Variants in FRAS1 observed in about 807,000 individuals in gnomAD.
FRAS1 encodes the protein Fraser extracellular matrix complex subunit 1.
In FRAS1, 290 loss-of-function variants were observed where a neutral mutation model predicts 435.2. The ratio of observed to expected loss-of-function variants is 0.67; its 90% CI spans 0.61 to 0.73. FRAS1 has a LOEUF of 0.73. FRAS1 is among the 30% of genes least tolerant of loss of function. FRAS1 has a pLI of 0.00. For synonymous variants in FRAS1, 1,800 were observed against 1,851.0 expected (o/e 0.97, Z 0.71); for missense variants, 4,860 against 5,001.5 (o/e 0.97, Z 0.85).
chr4:78,231,466 C>G (rs977982505), intron 2 of FRAS1, among the ~76,000 whole-genome samples: 12 of 151,928 alleles, frequency 7.9e-5, no homozygotes, highest in African/African-American at 2.9e-4. Context: ...ATTTTTATTA[C>G]AAAAATATTA....
intron 2 of FRAS1, among the ~76,000 whole-genome samples, chr4:78,205,325 C>G (rs1723211781): frequency 1.3e-5 from 2 of 152,048 alleles, no homozygotes; most frequent in Admixed American, 6.5e-5. Context: ...CTTCAGCCTC[C>G]TGTGTAGCTG....
chr4:78,405,384 C>A (rs1156472124), intron 30 of FRAS1, among the ~76,000 whole-genome samples: 1 of 140,546 alleles, frequency 7.1e-6, no homozygotes, highest in Non-Finnish European at 1.5e-5. Context: ...GGAAGTTGAA[C>A]CAGGGAGAGA....
rs150287600 is a variant in FRAS1 at position 78,445,649 on chromosome 4, T to C, written c.5793T>C (p.Phe1931=). 7.4e-6 allele frequency: 12 copies of C among 1,613,966 alleles called. No homozygotes were observed. The African/African-American group carries it at 1.6e-4, about 22-fold the overall frequency. The stretch of plus-strand genomic sequence containing the variant: ...GCATTGAGCCAACCCATGATATTTT[T>C]AGTTTTTATGTGAGTGATGGAACCA... ...HESIEPTHDI[F]SFYVSDGTSR... is the part of the protein sequence containing the mutation. Residue 1931 remains phenylalanine (F), a synonymous_variant, in exon 42 of 74, where the codon TTT becomes TTC. Transcript: ENST00000512123.
chr4:78,125,566 T>G (rs1395119470), intron 2 of FRAS1, among the ~76,000 whole-genome samples: 2 of 152,140 alleles, frequency 1.3e-5, no homozygotes, highest in East Asian at 3.9e-4. Flanking sequence ...CTTTCGTTGA[T>G]CTGTCTTTTT....
intron 72 of FRAS1, among the ~76,000 whole-genome samples, chr4:78,537,521 T>C (rs1165145326): frequency 1.3e-5 from 2 of 152,240 alleles, no homozygotes; most frequent in Admixed American, 1.3e-4. Flanking sequence ...AATAATATGA[T>C]GATGACTCTT....
intron 26 of FRAS1, 52 bp from the exon 27 acceptor site, chr4:78,379,674 C>T: frequency 1.1e-5 from 17 of 1,542,958 alleles, no homozygotes; most frequent in Non-Finnish European, 1.4e-5. Flanking sequence ...GGAAAGTGAC[C>T]TAATTAGTGA....
At chr4:78,413,498 A>C (rs558497952) in intron 32 of FRAS1, among the ~76,000 whole-genome samples, 2 of 152,194 alleles carry the variant, frequency 1.3e-5, no homozygotes, top group Admixed American at 6.5e-5. Flanking sequence ...TTCCACTGTA[A>C]AAGTTTCCTA....
At chr4:78,090,962 AT>A (rs1741484928) in intron 2 of FRAS1, among the ~76,000 whole-genome samples, 1 of 152,214 alleles carries the variant, frequency 6.6e-6, no homozygotes, top group Admixed American at 6.5e-5. Flanking sequence ...CAGGAGCCCA[AT>A]TCATGGTAAA....
rs776957048 is a variant in FRAS1 at position 78,521,637 on chromosome 4, T to A, written c.10648+7T>A. 1.3e-6 allele frequency: 2 copies of A among 1,547,592 alleles called. No homozygotes were observed. Among genetic ancestry groups the A allele is most frequent in the Non-Finnish European group, 1.8e-6 (2 of 1,141,832 alleles). On this transcript the variant is annotated splice_region_variant and intron_variant, in intron 68 of 73. Coordinates refer to ENST00000512123, the MANE Select transcript of FRAS1 (RefSeq NM_025074.7). ...ACCCATGCCAAATTCAGAGGTAATATCAATGCCGTTTTTTTTTTCCAACTT... is the reference window on the plus strand; with the variant it reads ...ACCCATGCCAAATTCAGAGGTAATAACAATGCCGTTTTTTTTTTCCAACTT...
rs1730675480 is a variant in FRAS1 at position 78,348,051 on chromosome 4, C to T, written c.2422+10234C>T. ...CTCCCAGCGTGAGCGACGCAGAAGA[C>T]GGGTGATTTCTGCATTTCCATCTGA... On this transcript the variant is annotated intron_variant, in intron 20 of 73. Coordinates refer to ENST00000512123, the MANE Select transcript of FRAS1 (RefSeq NM_025074.7). Among the ~76,000 whole-genome samples the T allele has an allele frequency of 2.5e-4, 2 of 7,920 alleles. 1 individual carries two copies. The highest frequency in any genetic ancestry group is 2.1e-3 in the Admixed American group (2 of 960). The allele number at this position is 7,920 out of a possible 152,430, so 5.2% of individuals were successfully genotyped here.
intron 2 of FRAS1, among the ~76,000 whole-genome samples, chr4:78,208,097 T>G (rs967605268): frequency 6.6e-6 from 1 of 152,126 alleles, no homozygotes; most frequent in Admixed American, 6.5e-5. Context: ...CTGAGAGACC[T>G]ACAGACGGTT....
At chr4:78,380,833 G>A (rs184606273) in intron 27 of FRAS1, among the ~76,000 whole-genome samples, 10 of 152,290 alleles carry the variant, frequency 6.6e-5, no homozygotes, top group East Asian at 1.9e-4. Flanking sequence ...CTGGGAGATA[G>A]GTGAGGAGAA....
Position 78,333,391 on chromosome 4 carries a change from C to T in FRAS1, c.2257C>T (p.His753Tyr). 2 of 1,611,646 alleles carry T rather than the reference C, an allele frequency of 1.2e-6. No individual in the cohort carries two copies. The highest frequency in any genetic ancestry group is 1.7e-6 in the Non-Finnish European group (2 of 1,178,932). ...CTCCCAGTGCCCAGATGGCTACTTT[C>T]ACCAGGAAGGTAGTTGCACAGGTGA... ...CLSQCPDGYF[H>Y]QEGSCTECHP... Residue 753 changes from histidine (H) to tyrosine (Y), a missense_variant, in exon 19 of 74, where the codon CAC becomes TAC. Physicochemically the swap from His to Tyr is moderately conservative, Grantham distance 83. Coordinates refer to ENST00000512123, the MANE Select transcript of FRAS1 (RefSeq NM_025074.7).
At chr4:78,089,624 C>T (rs1483362770) in intron 2 of FRAS1, among the ~76,000 whole-genome samples, 6 of 147,626 alleles carry the variant, frequency 4.1e-5, no homozygotes, top group Non-Finnish European at 7.5e-5. Flanking sequence ...CCTTTGACTT[C>T]TCATTTTGTT....
intron 6 of FRAS1, among the ~76,000 whole-genome samples, chr4:78,255,648 A>T (rs1725757292): frequency 6.6e-6 from 1 of 152,254 alleles, no homozygotes; most frequent in Non-Finnish European, 1.5e-5. Flanking sequence ...CTAATGGCAG[A>T]TGCTCCAAAA....
At chr4:78,365,504 T>C in intron 22 of FRAS1, among the ~76,000 whole-genome samples, 1 of 152,046 alleles carries the variant, frequency 6.6e-6, no homozygotes, top group East Asian at 1.9e-4. Context: ...TAGAATCCAT[T>C]GTATGAAGTA....
intron 2 of FRAS1, among the ~76,000 whole-genome samples, chr4:78,131,067 C>T (rs1159389447): frequency 1.3e-5 from 2 of 152,082 alleles, no homozygotes; most frequent in Non-Finnish European, 2.9e-5. Flanking sequence ...TATATTTTTT[C>T]TTAAGATATG....
chr4:78,184,037 C>G (rs1215044064), intron 2 of FRAS1, among the ~76,000 whole-genome samples: 2 of 152,052 alleles, frequency 1.3e-5, no homozygotes, highest in African/African-American at 4.8e-5. Flanking sequence ...ACTGTAAGCC[C>G]CACTCAGAGC....
intron 2 of FRAS1, among the ~76,000 whole-genome samples, chr4:78,206,053 C>T (rs1161927537): frequency 6.6e-6 from 1 of 152,002 alleles, no homozygotes; most frequent in Non-Finnish European, 1.5e-5. Flanking sequence ...GTAACGGCCC[C>T]AAGTTGTTCA....
Sources: gnomAD v4.1 joint callset for allele counts (sites outside exome capture counted in the v4.1 genomes callset) on GRCh38, gnomAD v4.1.1 for gene constraint, MANE v1.5 for transcripts, NCBI Gene and HGNC (gene_info 2026-07-23, HGNC 2026-07-21) for gene names.